Variants in VAT1L observed in about 807,000 individuals in gnomAD.
The protein encoded by VAT1L is vesicle amine transport 1 like.
VAT1L carries 34 observed loss-of-function variants against 44.1 expected under a neutral mutation model. The ratio of observed to expected loss-of-function variants is 0.77; its 90% CI spans 0.59 to 1.03. The LOEUF (loss-of-function observed/expected upper bound fraction) is 1.03. Ranked by LOEUF, VAT1L falls within the 50% of genes least tolerant of loss-of-function variation. VAT1L has a pLI of 0.00. For missense variants in VAT1L, 615 were observed against 538.8 expected (o/e 1.14, Z -1.40); for synonymous variants, 253 against 202.2 (o/e 1.25, Z -2.13).
At chr16:77,789,044 C>T (rs2015784052) in intron 1 of VAT1L, 129 bp downstream of exon 1, 2 of 1,191,378 alleles carry the variant, frequency 1.7e-6, no homozygotes, top group South Asian at 1.6e-5. Context: ...CGCCCTCACC[C>T]GGGTCTCAGA....
At chr16:77,801,353 T>A (rs2016048343) in intron 1 of VAT1L, 1 of 152,118 alleles carries the variant, frequency 6.6e-6, no homozygotes, top group African/African-American at 2.4e-5. Flanking sequence ...CACAGGAGAT[T>A]CCCGAGCTAA....
At chr16:77,803,037 C>G (rs1043874556) in intron 1 of VAT1L, among the ~76,000 whole-genome samples, 6 of 152,150 alleles carry the variant, frequency 3.9e-5, no homozygotes, top group African/African-American at 9.7e-5. Context: ...CCTACTTACA[C>G]CTTCAGTGCA....
At chr16:77,973,295 C>CT (rs1011528410) in intron 8 of VAT1L, among the ~76,000 whole-genome samples, 8 of 152,050 alleles carry the variant, frequency 5.3e-5, no homozygotes, top group African/African-American at 1.4e-4. Context: ...TCCAGGTCAT[C>CT]TTTTTTTGAG....
At chr16:77,944,385 T>G (rs2017933338) in intron 7 of VAT1L, among the ~76,000 whole-genome samples, 1 of 152,162 alleles carries the variant, frequency 6.6e-6, no homozygotes, top group South Asian at 2.1e-4. Flanking sequence ...CAGGCAGAGG[T>G]ATAAAGATGT....
chr16:77,819,382 T>G (rs570261946), intron 2 of VAT1L, among the ~76,000 whole-genome samples: 28 of 152,202 alleles, frequency 1.8e-4, no homozygotes, highest in South Asian at 1.7e-3. Context: ...TTTTTTCTTT[T>G]TTTTTTCTTT....
At chr16:77,925,688 A>G (rs1332154512) in intron 7 of VAT1L, among the ~76,000 whole-genome samples, 1 of 152,212 alleles carries the variant, frequency 6.6e-6, no homozygotes, top group Non-Finnish European at 1.5e-5. Flanking sequence ...CTCGTTCTGC[A>G]GATGACGTAA....
In VAT1L at chr16:77,788,871, G is replaced by A. The variant is rs1319612414; in HGVS notation, c.189G>A (p.Met63Ile). ...AGCTGCGGCTCTTCAGGAAGGCCAT[G>A]CCCGAGCCTCAGGACGGCGAGCTCA... is the stretch of plus-strand genomic sequence containing the variant. ...LNKLRLFRKA[M>I]PEPQDGELKI... Residue 63 changes from methionine (M) to isoleucine (I), a missense_variant, in exon 1 of 9, where the codon ATG becomes ATA. Coordinates refer to ENST00000302536, the MANE Select transcript of VAT1L (RefSeq NM_020927.3). The A allele has an allele frequency of 3.2e-6, 5 of 1,566,052 alleles. No homozygotes were observed. Among genetic ancestry groups the A allele is most frequent in the South Asian group, 1.2e-5 (1 of 84,422 alleles).
intron 7 of VAT1L, among the ~76,000 whole-genome samples, chr16:77,885,558 A>T (rs907341295): frequency 3.9e-5 from 6 of 152,242 alleles, no homozygotes; most frequent in African/African-American, 1.4e-4. Flanking sequence ...TTCGCTAAGA[A>T]ACCTAAGTCA....
At chr16:77,828,115 G>T (rs2016543425) in intron 3 of VAT1L, among the ~76,000 whole-genome samples, 1 of 152,178 alleles carries the variant, frequency 6.6e-6, no homozygotes, top group Admixed American at 6.5e-5. Flanking sequence ...TTTTGGCAAA[G>T]TGCAGATCCA....
At chr16:77,901,151 ACCTTTTT>A (rs2017377727) in intron 7 of VAT1L, among the ~76,000 whole-genome samples, 1 of 101,236 alleles carries the variant, frequency 9.9e-6, no homozygotes, top group African/African-American at 4.6e-5. Context: ...CCAGTAGTTT[ACCTTTTT>A]TTTTTTTTTT....
intron 7 of VAT1L, among the ~76,000 whole-genome samples, chr16:77,964,118 C>G (rs2018194432): frequency 6.6e-6 from 1 of 152,120 alleles, no homozygotes; most frequent in South Asian, 2.1e-4. Flanking sequence ...CACCTGGAGC[C>G]AAAGCATATG....
At chr16:77,831,372 C>T (rs959830588) in intron 3 of VAT1L, among the ~76,000 whole-genome samples, 1 of 152,126 alleles carries the variant, frequency 6.6e-6, no homozygotes. Context: ...ATTCATAGTA[C>T]TGGGTACCTA....
chr16:77,876,443 C>T lies in VAT1L; in HGVS notation c.796C>T (p.Leu266Phe). The T allele has an allele frequency of 6.2e-7, 1 of 1,614,182 alleles. No homozygotes were observed. ...CAACACTGGAAAAGGTCTCAGTCTT[C>T]TCAAACCCCTGGGAACCTACATTTT... The part of the protein sequence containing the change: ...GDNTGKGLSL[L>F]KPLGTYILYG... The change falls in exon 5 of 9, where the codon CTC becomes TTC. Residue 266 changes from leucine to phenylalanine, a missense_variant. By Grantham distance (22) the Leu-to-Phe change is conservative. Coordinates refer to ENST00000302536, the MANE Select transcript of VAT1L (RefSeq NM_020927.3).
chr16:77,959,619 G>T (rs935053834), intron 7 of VAT1L, among the ~76,000 whole-genome samples: 5 of 151,860 alleles, frequency 3.3e-5, no homozygotes, highest in Admixed American at 6.6e-5. Context: ...ATCATTCATA[G>T]CATAAGCCAA....
intron 3 of VAT1L, among the ~76,000 whole-genome samples, chr16:77,859,813 C>T (rs2142440630): frequency 6.6e-6 from 1 of 152,278 alleles, no homozygotes; most frequent in South Asian, 2.1e-4. Context: ...GGGAATGGTG[C>T]AGTCCATCCA....
At chr16:77,911,338 T>C (rs930413462) in intron 7 of VAT1L, among the ~76,000 whole-genome samples, 1 of 152,174 alleles carries the variant, frequency 6.6e-6, no homozygotes, top group African/African-American at 2.4e-5. Context: ...CATTTTCCCC[T>C]ACTATCAGCC....
intron 7 of VAT1L, among the ~76,000 whole-genome samples, chr16:77,896,856 G>T (rs1289015557): frequency 6.6e-6 from 1 of 152,182 alleles, no homozygotes; most frequent in Non-Finnish European, 1.5e-5. Flanking sequence ...TCATTCAGAT[G>T]AAAATACTTC....
chr16:77,900,732 T>C (rs2017372640), intron 7 of VAT1L, among the ~76,000 whole-genome samples: 2 of 149,968 alleles, frequency 1.3e-5, no homozygotes, highest in Admixed American at 1.3e-4. Flanking sequence ...AAGGCAAAAA[T>C]ATTGCCCATA....
intron 7 of VAT1L, among the ~76,000 whole-genome samples, chr16:77,957,686 C>T (rs891986446): frequency 6.6e-6 from 1 of 151,498 alleles, no homozygotes; most frequent in African/African-American, 2.4e-5. Flanking sequence ...GATCGGGCCA[C>T]TGCAGTCCAG....
Sources: allele counts gnomAD v4.1 joint callset (sites outside exome capture counted in the v4.1 genomes callset), GRCh38; gene constraint gnomAD v4.1.1; transcripts MANE v1.5; gene names NCBI Gene and HGNC (gene_info 2026-07-23, HGNC 2026-07-21).